Variants in DNAJC2 observed in about 807,000 individuals in gnomAD.
The protein encoded by DNAJC2 is dnaJ homolog subfamily C member 2.
Under a neutral mutation model 94.0 loss-of-function variants are expected in DNAJC2, and 32 were observed. The ratio of observed to expected loss-of-function variants is 0.34; its 90% CI spans 0.26 to 0.46. The LOEUF (loss-of-function observed/expected upper bound fraction) is 0.46, where lower values mean the gene tolerates loss of function less well. Ranked by LOEUF, DNAJC2 falls within the 20% of genes least tolerant of loss-of-function variation. DNAJC2 has a pLI of 1.00. For synonymous variants in DNAJC2, 210 were observed against 229.7 expected, an observed-to-expected ratio of 0.91 and a Z score of 0.77; for missense variants, 550 against 719.5, an observed-to-expected ratio of 0.76 and a Z score of 2.69.
intron 5 of DNAJC2, 36 bp downstream of exon 5, chr7:103,326,507 C>G: frequency 3.1e-6 from 5 of 1,609,478 alleles, no homozygotes; most frequent in Non-Finnish European, 4.2e-6. Flanking sequence ...AACAAGCCAA[C>G]AGGGCACTAT....
chr7:103,313,042 A>G lies in DNAJC2; in HGVS notation c.1696T>C (p.Leu566=). The G allele has an allele frequency of 2.5e-6, 4 of 1,614,052 alleles. No individual in the cohort carries two copies. Among genetic ancestry groups the G allele is most frequent in the Non-Finnish European group, 3.4e-6 (4 of 1,179,952 alleles). Residue 566 remains leucine (L), a synonymous_variant, in exon 16 of 17, where the codon TTG becomes CTG. Coordinates refer to ENST00000379263, the MANE Select transcript of DNAJC2 (RefSeq NM_014377.3). The part of the protein sequence containing the change: ...TEEQKLLEQA[L]KTYPVNTPER... Reference sequence around the variant, plus strand: ...GGTGTATTTACTGGGTATGTTTTCAAAGCTTGTTCCAAAAGCTTCTGTTCT... The same window carrying G: ...GGTGTATTTACTGGGTATGTTTTCAGAGCTTGTTCCAAAAGCTTCTGTTCT...
intron 1 of DNAJC2, among the ~76,000 whole-genome samples, chr7:103,342,224 C>CT (rs1379712664): frequency 2.6e-5 from 4 of 151,820 alleles, no homozygotes; most frequent in African/African-American, 4.8e-5. Flanking sequence ...TAAATCAGTA[C>CT]TTTTTTGGGG....
chr7:103,317,624 C>G (rs989957875), intron 12 of DNAJC2, among the ~76,000 whole-genome samples: 2 of 152,122 alleles, frequency 1.3e-5, no homozygotes. Context: ...TGATTCCCAT[C>G]ATCACATTCA....
At chr7:103,329,104 A>G in intron 3 of DNAJC2, 1 of 608,260 alleles carries the variant, frequency 1.6e-6, no homozygotes, top group East Asian at 8.1e-5. Flanking sequence ...TTTGTTTTTC[A>G]TCCTTTAACT....
At chr7:103,323,016 G>A (rs12705115) in intron 7 of DNAJC2, among the ~76,000 whole-genome samples, 87,428 of 151,460 alleles carry the variant, frequency 0.58, 27,381 homozygotes, top group Middle Eastern at 0.78. Context: ...TGCAACCTCT[G>A]CCTCCCAGGT....
At chr7:103,340,719 CTATT>C (rs1819343555) in intron 2 of DNAJC2, among the ~76,000 whole-genome samples, 1 of 152,218 alleles carries the variant, frequency 6.6e-6, no homozygotes, top group Non-Finnish European at 1.5e-5. Context: ...AAAGCATTAT[CTATT>C]TGTTTATACT....
At chr7:103,335,538 CT>C (rs762515531) in intron 3 of DNAJC2, 622 of 139,950 alleles carry the variant, frequency 4.4e-3, no homozygotes, top group Non-Finnish European at 4.5e-3. Flanking sequence ...TTCTTTCTTT[CT>C]TTTTTTTTTT....
chr7:103,337,558 C>T (rs895820241), intron 3 of DNAJC2, 178 bp downstream of exon 3: 21 of 557,858 alleles, frequency 3.8e-5, no homozygotes, highest in Non-Finnish European at 5.4e-5. Context: ...AAATGGATTG[C>T]TTTCTTCTGA....
At chr7:103,315,168 CAT>C (rs919203966) in intron 15 of DNAJC2, among the ~76,000 whole-genome samples, 5 of 87,378 alleles carry the variant, frequency 5.7e-5, no homozygotes, top group South Asian at 6.1e-4. Context: ...CAAACCCTAA[CAT>C]TTTTTTTTTT....
At position 103,337,720 on chromosome 7, in the gene DNAJC2, A is replaced by G. The variant is rs1819229091; in HGVS notation, c.331+16T>C. 1.4e-5 allele frequency: 22 copies of G among 1,601,600 alleles called. No homozygotes were observed. The highest frequency in any genetic ancestry group is 1.6e-5 in the Non-Finnish European group (19 of 1,169,362). On this transcript the variant is annotated intron_variant, in intron 3 of 16. Transcript: ENST00000379263. ...ATACAAGATATTTGATTATTTCAAA[A>G]TAACTAAGTACTTACGAGCTGCTTT... is the stretch of plus-strand genomic sequence containing the variant.
intron 16 of DNAJC2, 118 bp downstream of exon 16, chr7:103,312,829 A>G: frequency 2.0e-6 from 3 of 1,522,534 alleles, no homozygotes; most frequent in Non-Finnish European, 2.6e-6. Context: ...TGACCCCATA[A>G]CTACTGGTTT....
At chr7:103,330,443 A>G (rs1818919861) in intron 3 of DNAJC2, among the ~76,000 whole-genome samples, 1 of 151,830 alleles carries the variant, frequency 6.6e-6, no homozygotes, top group Non-Finnish European at 1.5e-5. Flanking sequence ...GCTCTCCACC[A>G]TGCCTTGCTA....
chr7:103,330,468 T>C (rs1344276901), intron 3 of DNAJC2, among the ~76,000 whole-genome samples: 2 of 151,758 alleles, frequency 1.3e-5, no homozygotes, highest in African/African-American at 2.4e-5. Flanking sequence ...TATTTATTTA[T>C]TGAGATGGAG....
At chr7:103,319,181 A>G (rs1463837528) in intron 12 of DNAJC2, among the ~76,000 whole-genome samples, 1 of 152,102 alleles carries the variant, frequency 6.6e-6, no homozygotes, top group Non-Finnish European at 1.5e-5. Context: ...GTTCACACCT[A>G]TAATCCCAGC....
At chr7:103,334,630 G>C (rs1819097959) in intron 3 of DNAJC2, among the ~76,000 whole-genome samples, 2 of 148,372 alleles carry the variant, frequency 1.3e-5, no homozygotes, top group Admixed American at 1.3e-4. Context: ...AAAAAAAAAA[G>C]AGAGACAAGG....
intron 7 of DNAJC2, 86 bp downstream of exon 7, chr7:103,323,512 G>A (rs1818535242): frequency 7.7e-7 from 1 of 1,292,008 alleles, no homozygotes; most frequent in Non-Finnish European, 1.0e-6. Context: ...AAATATGAAA[G>A]AAAATTTACG....
chr7:103,317,130 C>A, intron 12 of DNAJC2, 116 bp from the exon 13 acceptor site: 1 of 919,822 alleles, frequency 1.1e-6, no homozygotes. Flanking sequence ...ACTCTGACCC[C>A]ATACTCCTCT....
chr7:103,326,737 T>C, intron 4 of DNAJC2, 53 bp from the exon 5 acceptor site: 2 of 1,521,718 alleles, frequency 1.3e-6, no homozygotes, highest in Non-Finnish European at 8.9e-7. Flanking sequence ...TATTTTTTCC[T>C]GCAAGAAAAC....
chr7:103,320,758 T>TACACATATATATATATATATATATAC lies in DNAJC2; in HGVS notation c.1084-915_1084-914insGTATATATATATATATATATATGTGT. On this transcript the variant is annotated intron_variant, in intron 10 of 16. Transcript: ENST00000379263. ...GACTCTGTCACAAAATATATATATA[T>TACACATATATATATATATATATATAC]ACACATATATATATATATATATATA... The TACACATATATATATATATATATATAC allele has an allele frequency of 2.1e-5, 2 of 96,986 alleles. 1 individual carries two copies. The highest frequency in any genetic ancestry group is 4.7e-4 in the South Asian group (2 of 4,228). The allele number at this position is 96,986 out of a possible 1,614,324, so 6.0% of individuals were successfully genotyped here.
Sources: gnomAD v4.1 joint callset for allele counts (sites outside exome capture counted in the v4.1 genomes callset) on GRCh38, gnomAD v4.1.1 for gene constraint, MANE v1.5 for transcripts, NCBI Gene and HGNC (gene_info 2026-07-23, HGNC 2026-07-21) for gene names.